STXBP5L: variants seen among roughly 807,000 people sequenced by gnomAD.
STXBP5L encodes syntaxin-binding protein 5-like.
A neutral mutation model predicts 144.5 loss-of-function variants in STXBP5L; 65 were observed. That is an observed-to-expected ratio of 0.45 (90% CI 0.37 to 0.55). The LOEUF is 0.55. Among genes scored for constraint, STXBP5L ranks in the 20% least tolerant of loss-of-function variants. STXBP5L has a pLI of 0.00. For synonymous variants in STXBP5L, 505 were observed against 469.6 expected, an observed-to-expected ratio of 1.08 and a Z score of -0.97; for missense variants, 1,298 against 1,405.5, an observed-to-expected ratio of 0.92 and a Z score of 1.22.
intron 3 of STXBP5L, among the ~76,000 whole-genome samples, chr3:120,967,079 C>T (rs1351163626): frequency 1.3e-5 from 2 of 152,036 alleles, no homozygotes; most frequent in Non-Finnish European, 2.9e-5. Context: ...GTGAGCAAGG[C>T]TCAGTGGGTG....
intron 20 of STXBP5L, among the ~76,000 whole-genome samples, chr3:121,330,946 C>T (rs181474107): frequency 2.6e-5 from 4 of 152,330 alleles, no homozygotes; most frequent in Admixed American, 2.6e-4. Flanking sequence ...GTGCTAATAC[C>T]TGCTGCTGGG....
At chr3:121,322,408 G>T (rs2044001244) in intron 20 of STXBP5L, among the ~76,000 whole-genome samples, 1 of 151,584 alleles carries the variant, frequency 6.6e-6, no homozygotes, top group Non-Finnish European at 1.5e-5. Flanking sequence ...AACCCAAGAG[G>T]CGGAGGTTGT....
At chr3:121,104,437 C>G (rs2043588322) in intron 5 of STXBP5L, among the ~76,000 whole-genome samples, 1 of 152,058 alleles carries the variant, frequency 6.6e-6, no homozygotes. Context: ...CCTGCATAAC[C>G]AAAGCAAGAC....
intron 19 of STXBP5L, among the ~76,000 whole-genome samples, chr3:121,317,457 A>AT (rs925777142): frequency 7.2e-5 from 11 of 151,952 alleles, no homozygotes; most frequent in African/African-American, 1.7e-4. Flanking sequence ...AAATTCTGTG[A>AT]TTTTTTTTGG....
chr3:121,124,700 T>A (rs75710055), intron 7 of STXBP5L, among the ~76,000 whole-genome samples: 1,706 of 152,210 alleles, frequency 0.011, 34 homozygotes, highest in African/African-American at 0.038. Context: ...ATATTCTATT[T>A]ATAAAAACTG....
chr3:121,045,420 T>C lies in STXBP5L; in HGVS notation c.370-15T>C, dbSNP rs1253677853. 3.1e-6 allele frequency: 5 copies of C among 1,591,894 alleles called. No individual in the cohort carries two copies. Among genetic ancestry groups the C allele is most frequent in the Non-Finnish European group, 2.6e-6 (3 of 1,172,326 alleles). On this transcript the variant is annotated splice_polypyrimidine_tract_variant and intron_variant, in intron 4 of 26. Transcript: ENST00000471454. ...AAGTAAATCACACACTTACTTTATC[T>C]TCTTTTTGTTCTAGGGTGCCTTGGT...
intron 22 of STXBP5L, among the ~76,000 whole-genome samples, chr3:121,394,160 C>A (rs2046665472): frequency 6.6e-6 from 1 of 151,900 alleles, no homozygotes. Context: ...TTAATGTATT[C>A]CTAGGTATTT....
chr3:121,118,372 T>C (rs989526629), intron 6 of STXBP5L, among the ~76,000 whole-genome samples: 4 of 151,682 alleles, frequency 2.6e-5, no homozygotes, highest in Non-Finnish European at 4.4e-5. Context: ...GACAAGAACA[T>C]TCCGGGCAGA....
At chr3:121,356,187 T>A (rs986218975) in intron 20 of STXBP5L, among the ~76,000 whole-genome samples, 2 of 152,144 alleles carry the variant, frequency 1.3e-5, no homozygotes, top group Admixed American at 1.3e-4. Flanking sequence ...GTTCTCAGAG[T>A]TCAAACGCCG....
intron 3 of STXBP5L, among the ~76,000 whole-genome samples, chr3:120,971,638 TACACACACAC>T (rs10576644): frequency 4.1e-5 from 6 of 146,298 alleles, no homozygotes; most frequent in Admixed American, 3.4e-4. Context: ...CATGCATACA[TACACACACAC>T]ACACACACAC....
In STXBP5L at chr3:121,200,376, C is replaced by A. The variant is rs1445395656; in HGVS notation, c.878-5547C>A. Among the ~76,000 whole-genome samples the A allele has an allele frequency of 2.4e-4, 37 of 151,990 alleles. 1 individual carries two copies. The highest frequency in any genetic ancestry group is 2.1e-3 in the Admixed American group (32 of 15,224). ...CATCTATTTGATTCTTCTCTCTTTTCTTCTTCATTAGTCTAGCTAGCAGTC... is the reference window on the plus strand; with the variant it reads ...CATCTATTTGATTCTTCTCTCTTTTATTCTTCATTAGTCTAGCTAGCAGTC... On this transcript the variant is annotated intron_variant, in intron 9 of 26. Coordinates refer to ENST00000471454, the MANE Select transcript of STXBP5L (RefSeq NM_001308330.2).
intron 5 of STXBP5L, among the ~76,000 whole-genome samples, chr3:121,098,832 C>G (rs2043268727): frequency 6.6e-6 from 1 of 152,140 alleles, no homozygotes; most frequent in Non-Finnish European, 1.5e-5. Context: ...GGAGCATCCA[C>G]TTTACTCCCT....
At chr3:121,200,989 T>A (rs1215568007) in intron 9 of STXBP5L, among the ~76,000 whole-genome samples, 2 of 152,242 alleles carry the variant, frequency 1.3e-5, no homozygotes, top group Non-Finnish European at 1.5e-5. Flanking sequence ...TCTGCAGATG[T>A]CTATTAGGTC....
chr3:121,100,838 G>T (rs2043383689), intron 5 of STXBP5L, among the ~76,000 whole-genome samples: 1 of 150,714 alleles, frequency 6.6e-6, no homozygotes. Flanking sequence ...AATATTGGTA[G>T]AACACTAGCT....
chr3:121,038,553 A>G (rs1246180643), intron 3 of STXBP5L, among the ~76,000 whole-genome samples: 4 of 151,902 alleles, frequency 2.6e-5, no homozygotes, highest in Admixed American at 2.0e-4. Flanking sequence ...TTTATATTTC[A>G]AAAGTATATT....
At chr3:121,008,016 A>T (rs976705969) in intron 3 of STXBP5L, among the ~76,000 whole-genome samples, 1 of 151,804 alleles carries the variant, frequency 6.6e-6, no homozygotes, top group Non-Finnish European at 1.5e-5. Flanking sequence ...GATATTTATC[A>T]TTTTTTCTTT....
intron 2 of STXBP5L, among the ~76,000 whole-genome samples, chr3:120,924,159 T>C (rs1442399358): frequency 2.0e-5 from 3 of 152,200 alleles, no homozygotes; most frequent in Non-Finnish European, 4.4e-5. Flanking sequence ...TTTCACATCA[T>C]TATCATCTTC....
intron 3 of STXBP5L, among the ~76,000 whole-genome samples, chr3:121,041,066 T>C (rs1014373577): frequency 6.6e-6 from 1 of 151,998 alleles, no homozygotes; most frequent in African/African-American, 2.4e-5. Context: ...CATTCTTTTT[T>C]TTTTACCTTC....
chr3:120,979,838 T>A (rs1941560581), intron 3 of STXBP5L, among the ~76,000 whole-genome samples: 2 of 152,238 alleles, frequency 1.3e-5, no homozygotes, highest in South Asian at 4.1e-4. Context: ...GATCTTATTA[T>A]CTTTTTAAGG....
Sources: gnomAD v4.1 joint callset for allele counts (sites outside exome capture counted in the v4.1 genomes callset) on GRCh38, gnomAD v4.1.1 for gene constraint, MANE v1.5 for transcripts, NCBI Gene and HGNC (gene_info 2026-07-23, HGNC 2026-07-21) for gene names.